BBX: variants seen among roughly 807,000 people sequenced by gnomAD.
The protein encoded by BBX is BBX high mobility group box domain containing.
BBX carries 30 observed loss-of-function variants against 100.2 expected under a neutral mutation model. The ratio of observed to expected loss-of-function variants is 0.30; its 90% CI spans 0.22 to 0.41. BBX has a LOEUF of 0.41. Ranked by LOEUF, BBX falls within the 10% of genes least tolerant of loss-of-function variation. The pLI is 1.00. For synonymous variants in BBX, 376 were observed against 388.1 expected (o/e 0.97, Z 0.37); for missense variants, 1,023 against 1,129.8 (o/e 0.91, Z 1.35).
chr3:107,600,721 A>G (rs1194628550), intron 2 of BBX, among the ~76,000 whole-genome samples: 1 of 152,182 alleles, frequency 6.6e-6, no homozygotes, highest in African/African-American at 2.4e-5. Flanking sequence ...ATGATCATAG[A>G]GGATAATGTT....
chr3:107,630,001 C>T (rs751697801), intron 2 of BBX, among the ~76,000 whole-genome samples: 10 of 152,026 alleles, frequency 6.6e-5, no homozygotes, highest in African/African-American at 2.2e-4. Flanking sequence ...TACCTGTGAC[C>T]GTTTTAAACC....
At chr3:107,532,424 A>G (rs923631614) in intron 2 of BBX, among the ~76,000 whole-genome samples, 1 of 152,224 alleles carries the variant, frequency 6.6e-6, no homozygotes, top group Non-Finnish European at 1.5e-5. Flanking sequence ...AAAATTGTAA[A>G]TTATGGTACT....
chr3:107,710,389 T>G, intron 3 of BBX, 63 bp from the exon 4 acceptor site: 3 of 1,351,778 alleles, frequency 2.2e-6, no homozygotes, highest in Non-Finnish European at 3.0e-6. Flanking sequence ...TTACTTTGAT[T>G]TATCTCGGTG....
intron 3 of BBX, among the ~76,000 whole-genome samples, chr3:107,704,343 C>T (rs1004821368): frequency 1.2e-4 from 19 of 152,152 alleles, no homozygotes; most frequent in African/African-American, 2.9e-4. Flanking sequence ...CAGTAGGCTC[C>T]GTGCTAGGCA....
At chr3:107,575,132 G>A (rs2051674187) in intron 2 of BBX, among the ~76,000 whole-genome samples, 1 of 152,128 alleles carries the variant, frequency 6.6e-6, no homozygotes, top group East Asian at 1.9e-4. Flanking sequence ...TCGTCTCAGT[G>A]AACTTTATGA....
chr3:107,649,317 G>A (rs1463874666), intron 3 of BBX, among the ~76,000 whole-genome samples: 1 of 152,074 alleles, frequency 6.6e-6, no homozygotes, highest in African/African-American at 2.4e-5. Flanking sequence ...AAAAAATAAG[G>A]TTAGAAGGCA....
chr3:107,672,004 TA>T (rs2059045047), intron 3 of BBX, among the ~76,000 whole-genome samples: 1 of 152,126 alleles, frequency 6.6e-6, no homozygotes, highest in South Asian at 2.1e-4. Context: ...TAATCGTTGA[TA>T]AAATGAATTT....
Position 107,756,890 on chromosome 3 carries a change from A to C in BBX, c.906+1212A>C, listed in dbSNP as rs552287463. Among the ~76,000 whole-genome samples the C allele has an allele frequency of 8.5e-5, 13 of 152,330 alleles. No homozygotes were observed. The South Asian group carries it at 2.5e-3, about 29-fold the overall frequency. ...TCCAAACAGAGCTGAAACAGTGAAG[A>C]TCTGACAAGAGAGTGCCTTTAGAGT... On this transcript the variant is annotated intron_variant, in intron 10 of 17. Coordinates refer to ENST00000325805, the MANE Select transcript of BBX (RefSeq NM_001142568.3).
At chr3:107,766,178 G>A (rs1576700869) in intron 10 of BBX, among the ~76,000 whole-genome samples, 2 of 152,154 alleles carry the variant, frequency 1.3e-5, no homozygotes, top group East Asian at 3.8e-4. Flanking sequence ...CAATGAGAAT[G>A]TCTGTCTGTC....
At chr3:107,659,374 A>G (rs116702149) in intron 3 of BBX, among the ~76,000 whole-genome samples, 3,501 of 152,022 alleles carry the variant, frequency 0.023, 59 homozygotes, top group South Asian at 0.041. Context: ...ATATTATATA[A>G]TATTTATATT....
At chr3:107,653,291 A>AT (rs1326930882) in intron 3 of BBX, among the ~76,000 whole-genome samples, 1 of 152,112 alleles carries the variant, frequency 6.6e-6, no homozygotes, top group Non-Finnish European at 1.5e-5. Flanking sequence ...GTTTGTTAAG[A>AT]TTTATTAGTC....
chr3:107,701,340 T>C (rs866230385), intron 3 of BBX, among the ~76,000 whole-genome samples: 1 of 152,210 alleles, frequency 6.6e-6, no homozygotes, highest in South Asian at 2.1e-4. Context: ...CAGAGTGGCC[T>C]TGGGCATGCT....
chr3:107,650,335 G>A (rs1240434338), intron 3 of BBX, among the ~76,000 whole-genome samples: 1 of 151,988 alleles, frequency 6.6e-6, no homozygotes, highest in African/African-American at 2.4e-5. Context: ...TGCTCCTTAT[G>A]AGAATCTAAT....
At chr3:107,664,903 C>T (rs1285512010) in intron 3 of BBX, among the ~76,000 whole-genome samples, 6 of 152,308 alleles carry the variant, frequency 3.9e-5, no homozygotes, top group African/African-American at 1.4e-4. Flanking sequence ...GAGTAAATGA[C>T]TCAGGTCCCC....
intron 13 of BBX, among the ~76,000 whole-genome samples, chr3:107,784,973 T>C (rs1216505297): frequency 6.6e-6 from 1 of 151,458 alleles, no homozygotes; most frequent in Admixed American, 6.6e-5. Flanking sequence ...AGAGATGAAA[T>C]AGAAGACATT....
At position 107,728,910 on chromosome 3, in the gene BBX, C is replaced by T. The variant is rs1560053656; in HGVS notation, c.551C>T (p.Pro184Leu). Residue 184 changes from proline to leucine, a missense_variant, in exon 6 of 18, where the codon CCC becomes CTC. Around this residue, in one of 9 missense-constraint regions of BBX, gnomAD observed 229 missense variants for 226.3 expected, o/e 1.01. Transcript: ENST00000325805. The stretch of plus-strand genomic sequence containing the variant: ...GACTCTTCAAGAGACTTGCCAAGCC[C>T]CAAGAAAGCAAAGACTGAAGAAATG... ...PSDSSRDLPSPKKAKTEEMPQ... is the reference protein window; with the variant it reads ...PSDSSRDLPSLKKAKTEEMPQ... 6.2e-7 allele frequency: 1 copy of T among 1,613,766 alleles called. No individual in the cohort carries two copies. The highest frequency in any genetic ancestry group is 8.5e-7 in the Non-Finnish European group (1 of 1,179,824).
chr3:107,553,902 A>G (rs574217399), intron 2 of BBX, among the ~76,000 whole-genome samples: 4 of 152,190 alleles, frequency 2.6e-5, no homozygotes, highest in South Asian at 2.1e-4. Context: ...ATGGTGGACT[A>G]TGTTCTTTCA....
At chr3:107,574,126 C>G (rs1363161876) in intron 2 of BBX, among the ~76,000 whole-genome samples, 3 of 152,180 alleles carry the variant, frequency 2.0e-5, no homozygotes, top group Non-Finnish European at 2.9e-5. Context: ...TAACAGCTAT[C>G]ATTTCTTGAA....
rs189096236 is a variant in BBX at position 107,778,891 on chromosome 3, G to C, written c.2203+372G>C. ...CCTGTGTCCGCAACAGGTTGAACTC[G>C]GGGACTGTAAATCATTCTTTTCACC... On this transcript the variant is annotated intron_variant, in intron 13 of 17. Transcript: ENST00000325805. 2.0e-5 allele frequency among the ~76,000 whole-genome samples: 3 copies of C among 150,652 alleles called. No homozygotes were observed. The East Asian group carries it at 5.9e-4, about 29-fold the overall frequency.
Sources: allele counts gnomAD v4.1 joint callset (sites outside exome capture counted in the v4.1 genomes callset), GRCh38; gene constraint gnomAD v4.1.1; regional missense constraint gnomAD v4.1.1; transcripts MANE v1.5; gene names NCBI Gene and HGNC (gene_info 2026-07-23, HGNC 2026-07-21).